NUGGC: variants seen among roughly 807,000 people sequenced by gnomAD.
NUGGC encodes the protein nuclear GTPase SLIP-GC.
A neutral mutation model predicts 92.6 loss-of-function variants in NUGGC; 58 were observed. That is an observed-to-expected ratio of 0.63 (90% CI 0.51 to 0.78). The LOEUF (loss-of-function observed/expected upper bound fraction) is 0.78. Ranked by LOEUF, NUGGC falls within the 30% of genes least tolerant of loss-of-function variation. The pLI is 0.00. For synonymous variants in NUGGC, 376 were observed against 366.4 expected, an observed-to-expected ratio of 1.03 and a Z score of -0.30; for missense variants, 925 against 964.6, an observed-to-expected ratio of 0.96 and a Z score of 0.54.
intron 12 of NUGGC, among the ~76,000 whole-genome samples, chr8:28,043,310 C>A (rs4054868): frequency 0.58 from 87,594 of 152,024 alleles, 26,356 homozygotes; most frequent in African/African-American, 0.75. Context: ...AGATGTGGTC[C>A]TCAACTTCCT....
intron 6 of NUGGC, among the ~76,000 whole-genome samples, chr8:28,065,273 G>T (rs1040433883): frequency 2.8e-5 from 4 of 144,968 alleles, no homozygotes; most frequent in Non-Finnish European, 4.5e-5. Flanking sequence ...CCATTCTCCT[G>T]CCTGACTCCC....
chr8:28,025,974 AC>A (rs1809249464), intron 18 of NUGGC, among the ~76,000 whole-genome samples: 1 of 152,180 alleles, frequency 6.6e-6, no homozygotes. Flanking sequence ...ATTTTTATGC[AC>A]ATACAAACAT....
At chr8:28,029,568 G>C (rs1809361040) in intron 16 of NUGGC, among the ~76,000 whole-genome samples, 166 bp from the exon 17 acceptor site, 1 of 152,058 alleles carries the variant, frequency 6.6e-6, no homozygotes, top group African/African-American at 2.4e-5. Flanking sequence ...GCCCAACATG[G>C]TGAAACCCCC....
Position 28,056,055 on chromosome 8 carries a change from C to A in NUGGC, c.1117-1G>T. The A allele has an allele frequency of 6.5e-7, 1 of 1,544,046 alleles. No individual in the cohort carries two copies. Among genetic ancestry groups the A allele is most frequent in the Non-Finnish European group, 8.8e-7 (1 of 1,134,976 alleles). Reference sequence around the variant, plus strand: ...CCTCTCGCTGACTCTGAATAGCTTGCTAGGTTGTGAAAGGAAATAGAAGCA... The same window carrying A: ...CCTCTCGCTGACTCTGAATAGCTTGATAGGTTGTGAAAGGAAATAGAAGCA... On this transcript the variant is annotated splice_acceptor_variant, in intron 9 of 18. Transcript: ENST00000413272. LOFTEE classifies it high-confidence loss of function.
chr8:28,082,546 ATTCAAACTAAAACCTGATTCTCCCCAT>A (rs1019859824), intron 1 of NUGGC, among the ~76,000 whole-genome samples: 2 of 152,188 alleles, frequency 1.3e-5, no homozygotes, highest in African/African-American at 4.8e-5. Flanking sequence ...GTTCTGTAAA[ATTCAAACTAAAACCTGATTCTCCCCAT>A]TTCTAGCCCA....
intron 8 of NUGGC, among the ~76,000 whole-genome samples, chr8:28,059,372 A>C (rs1810234516): frequency 6.6e-6 from 1 of 152,208 alleles, no homozygotes; most frequent in African/African-American, 2.4e-5. Flanking sequence ...TAGTCTTCCT[A>C]ACTATAGGGA....
In NUGGC at chr8:28,070,328, C is replaced by T. The variant is rs770918918; in HGVS notation, c.72G>A (p.Thr24=). 2.6e-6 allele frequency: 4 copies of T among 1,545,654 alleles called. No individual in the cohort carries two copies. The highest frequency in any genetic ancestry group is 2.4e-5 in the East Asian group (1 of 41,084). ...CTCGATCTGATTTCCTTCTTTTTCT[C>T]GTTCGTTCTTTATATAAATCATCTT... ...PVEDDLYKER[T]RKRRKSDRDQ... The change falls in exon 3 of 19, where the codon ACG becomes ACA. Residue 24 remains threonine (T), a synonymous_variant. Transcript: ENST00000413272.
At chr8:28,069,068 C>T (rs1810520510) in intron 4 of NUGGC, among the ~76,000 whole-genome samples, 1 of 152,154 alleles carries the variant, frequency 6.6e-6, no homozygotes, top group South Asian at 2.1e-4. Context: ...TGTATACAGA[C>T]ATGAAGTATT....
At position 28,058,937 on chromosome 8, in the gene NUGGC, C is replaced by T. The variant is rs139964138; in HGVS notation, c.1098-661G>A. On this transcript the variant is annotated intron_variant, in intron 8 of 18. Coordinates refer to ENST00000413272, the MANE Select transcript of NUGGC (RefSeq NM_001010906.2). ...GCCAGGATGGTCTCAATCTCCTGAC[C>T]TTGTGATCTGCCCGCCTCAGCCTCC... Among the ~76,000 whole-genome samples the T allele has an allele frequency of 4.6e-3, 706 of 152,232 alleles. 8 individuals are homozygous for T. Among genetic ancestry groups the T allele is most frequent in the African/African-American group, 0.016 (669 of 41,526 alleles).
chr8:28,071,954 AACGGCAGCCCAC>A (rs1810600982), intron 2 of NUGGC, among the ~76,000 whole-genome samples: 2 of 152,276 alleles, frequency 1.3e-5, no homozygotes, highest in South Asian at 4.2e-4. Flanking sequence ...GGCATCCAAG[AACGGCAGCCCAC>A]ACAGAAGGCC....
At chr8:28,062,454 A>C (rs997052835) in intron 7 of NUGGC, among the ~76,000 whole-genome samples, 1 of 147,822 alleles carries the variant, frequency 6.8e-6, no homozygotes, top group Non-Finnish European at 1.5e-5. Context: ...CATCTCTACA[A>C]AAAAAAAAAA....
chr8:28,052,609 C>A (rs1200447620), intron 10 of NUGGC, among the ~76,000 whole-genome samples: 1 of 152,140 alleles, frequency 6.6e-6, no homozygotes, highest in Non-Finnish European at 1.5e-5. Flanking sequence ...ATCCTTCCTG[C>A]AGTTTCAGAG....
intron 1 of NUGGC, among the ~76,000 whole-genome samples, chr8:28,078,908 G>GAT (rs1303244254): frequency 2.6e-5 from 4 of 152,206 alleles, no homozygotes; most frequent in Admixed American, 6.5e-5. Flanking sequence ...TTATTGCTCA[G>GAT]ATAAGCAAGG....
intron 7 of NUGGC, among the ~76,000 whole-genome samples, chr8:28,062,053 C>A (rs564214822): frequency 7.7e-4 from 117 of 152,198 alleles, no homozygotes; most frequent in African/African-American, 2.7e-3. Context: ...AGTGCAGGAC[C>A]CAGAACCACC....
At chr8:28,028,171 T>G (rs1209651671) in intron 17 of NUGGC, among the ~76,000 whole-genome samples, 1 of 152,192 alleles carries the variant, frequency 6.6e-6, no homozygotes, top group Non-Finnish European at 1.5e-5. Context: ...ACGTACACAT[T>G]TTTTAAGCGA....
intron 9 of NUGGC, among the ~76,000 whole-genome samples, chr8:28,058,052 C>G (rs1810192663): frequency 6.6e-6 from 1 of 151,958 alleles, no homozygotes; most frequent in Non-Finnish European, 1.5e-5. Flanking sequence ...ATTAGCCAGG[C>G]ATGATGGTGG....
chr8:28,054,025 A>G (rs751250404), intron 10 of NUGGC, among the ~76,000 whole-genome samples: 3 of 152,238 alleles, frequency 2.0e-5, no homozygotes, highest in Non-Finnish European at 4.4e-5. Flanking sequence ...GAAATTGAAT[A>G]TAGAGCTGGT....
intron 18 of NUGGC, among the ~76,000 whole-genome samples, chr8:28,023,783 C>T (rs60603150): frequency 0.016 from 2,415 of 152,250 alleles, 54 homozygotes; most frequent in African/African-American, 0.055. Flanking sequence ...AGGCGGCTCC[C>T]CCTCTTCCCC....
intron 12 of NUGGC, among the ~76,000 whole-genome samples, chr8:28,044,152 C>G (rs1295425026): frequency 2.6e-5 from 4 of 152,276 alleles, no homozygotes; most frequent in Middle Eastern, 3.4e-3. Flanking sequence ...ACAGGGTCAT[C>G]ATTGGCCCAC....
Sources: allele counts gnomAD v4.1 joint callset (sites outside exome capture counted in the v4.1 genomes callset), GRCh38; gene constraint gnomAD v4.1.1; transcripts MANE v1.5; gene names NCBI Gene and HGNC (gene_info 2026-07-23, HGNC 2026-07-21).